The following TEP1 variants were observed in gnomAD, a reference collection of about 807,000 sequenced individuals.
TEP1 encodes telomerase protein component 1.
TEP1 carries 241 observed loss-of-function variants against 306.3 expected under a neutral mutation model. The observed-to-expected ratio is 0.79, with a 90% CI of 0.71 to 0.88. The LOEUF (loss-of-function observed/expected upper bound fraction) is 0.88. TEP1 is among the 40% of genes least tolerant of loss of function. The pLI is 0.00. For synonymous variants in TEP1, 1,289 were observed against 1,305.5 expected (o/e 0.99, Z 0.27); for missense variants, 3,051 against 3,276.1 (o/e 0.93, Z 1.68).
Position 20,373,075 on chromosome 14 carries a change from A to C in TEP1, c.6887T>G (p.Val2296Gly). Reference protein sequence around the residue: ...VAWAPDGSMAVSGNQAGELIL... With the variant: ...VAWAPDGSMAGSGNQAGELIL... ...TAGTTCCCCAGCTTGATTTCCAGAT[A>C]CTGCCATGGAACCATCTGGTGCCCA... The change falls in exon 48 of 55, where the codon GTA (valine) becomes GGA (glycine). Residue 2296 changes from valine to glycine, a missense_variant. Physicochemically the swap from Val to Gly is moderately radical, Grantham distance 109 (BLOSUM62 -3). Around this residue, in one of 3 missense-constraint regions of TEP1, gnomAD observed 1,540 missense variants for 1,705.9 expected, o/e 0.90. Transcript: ENST00000262715. 1 of 1,614,188 alleles carries C rather than the reference A, an allele frequency of 6.2e-7. No individual in the cohort carries two copies. Among genetic ancestry groups the C allele is most frequent in the Non-Finnish European group, 8.5e-7 (1 of 1,180,016 alleles).
chr14:20,369,238 G>A (rs987568549), intron 53 of TEP1, 106 bp downstream of exon 53: 4 of 1,119,720 alleles, frequency 3.6e-6, no homozygotes, highest in Non-Finnish European at 5.3e-6. Flanking sequence ...TTGATCTCCT[G>A]ACCTCATTAT....
In TEP1 at chr14:20,391,042, G is replaced by T. The variant is rs755207979; in HGVS notation, c.2152C>A (p.Gln718Lys). 4.3e-6 allele frequency: 7 copies of T among 1,614,014 alleles called. No homozygotes were observed. In the African/African-American group the frequency reaches 9.3e-5, roughly 22 times the overall value. ...LIGMMITRAEQVDVVLCGGDT... is the reference protein window; with the variant it reads ...LIGMMITRAEKVDVVLCGGDT... ...CCTCCACACAGCACGACGTCCACCT[G>T]CTCCGCCCTCGTGATCATCATCCCA... The change falls in exon 14 of 55, where the codon CAG becomes AAG. Residue 718 changes from glutamine to lysine, a missense_variant. Physicochemically the swap from Gln to Lys is moderately conservative, Grantham distance 53. Transcript: ENST00000262715.
At chr14:20,400,297 CGT>C (rs143928751) in intron 9 of TEP1, among the ~76,000 whole-genome samples, 11 of 147,134 alleles carry the variant, frequency 7.5e-5, no homozygotes, top group Admixed American at 1.4e-4. Context: ...TGTGTGGGTG[CGT>C]GTGTGTGTGT....
rs376297415 is a variant in TEP1, at chr14:20,372,785, T to C, written c.7024A>G (p.Ile2342Val). 1 of 1,614,162 alleles carries C rather than the reference T, an allele frequency of 6.2e-7. No homozygotes were observed. Among genetic ancestry groups the C allele is most frequent in the Non-Finnish European group, 8.5e-7 (1 of 1,180,026 alleles). ...CGCAGTTTCACTTGCCACTCGCTGA[T>C]TTTCTCATCAGCACTGAGGACAAAA... The part of the protein sequence containing the change: ...TFFVLSADEK[I>V]SEWQVKLRKG... Residue 2342 changes from isoleucine to valine, a missense_variant, in exon 49 of 55, where the codon ATC (isoleucine) becomes GTC (valine). Ile to Val is a conservative substitution (Grantham distance 29). Transcript: ENST00000262715.
chr14:20,391,691 GC>G lies in TEP1; in HGVS notation c.2004del (p.Lys668AsnfsTer16). On this transcript the variant is annotated frameshift_variant, in exon 13 of 55. Coordinates refer to ENST00000262715, the MANE Select transcript of TEP1 (RefSeq NM_007110.5). LOFTEE classifies it high-confidence loss of function. ...ALETAVNLSV[K>X]HSLPLLPGRT... ...CGGCCTGGCAGCAGGGGCAGGCTGT[GC>G]TTCACAGAGAGGTTCACAGCTGTCT... 6.2e-7 allele frequency: 1 copy of G among 1,614,216 alleles called. No individual in the cohort carries two copies. Among genetic ancestry groups the G allele is most frequent in the Non-Finnish European group, 8.5e-7 (1 of 1,180,040 alleles).
At chr14:20,404,473 G>T in intron 5 of TEP1, 138 bp downstream of exon 5, 1 of 1,090,242 alleles carries the variant, frequency 9.2e-7, no homozygotes, top group Non-Finnish European at 1.3e-6. Context: ...AGTGGAGGGA[G>T]AAGCTGTCCT....
chr14:20,408,475 G>C lies in TEP1; in HGVS notation c.-24-12C>G. Reference sequence around the variant, plus strand: ...CAGCTTGTATATGCCTAGAAGGAGAGAAAGACAGGAGATGAGCACCTGGCT... The same window carrying C: ...CAGCTTGTATATGCCTAGAAGGAGACAAAGACAGGAGATGAGCACCTGGCT... On this transcript the variant is annotated splice_polypyrimidine_tract_variant and intron_variant, in intron 1 of 54. Transcript: ENST00000262715. 1 of 1,586,076 alleles carries C rather than the reference G, an allele frequency of 6.3e-7. No homozygotes were observed. The highest frequency in any genetic ancestry group is 8.6e-7 in the Non-Finnish European group (1 of 1,169,548).
intron 1 of TEP1, among the ~76,000 whole-genome samples, chr14:20,410,946 C>G (rs1482651183): frequency 1.3e-5 from 2 of 151,892 alleles, no homozygotes; most frequent in African/African-American, 4.8e-5. Context: ...CTCAGCCCCC[C>G]AAGTAGCTGG....
At chr14:20,387,550 T>TAA (rs1877303165) in intron 18 of TEP1, among the ~76,000 whole-genome samples, 1 of 57,880 alleles carries the variant, frequency 1.7e-5, no homozygotes, top group Non-Finnish European at 3.3e-5. Context: ...AGACTCCGTC[T>TAA]CAAAAAAAAA....
chr14:20,386,060 A>G lies in TEP1; in HGVS notation c.2982+15T>C, dbSNP rs776275398. 1 of 1,585,308 alleles carries G rather than the reference A, an allele frequency of 6.3e-7. No homozygotes were observed. The highest frequency in any genetic ancestry group is 8.5e-7 in the Non-Finnish European group (1 of 1,169,598). On this transcript the variant is annotated intron_variant, in intron 20 of 54. Transcript: ENST00000262715. ...TGCTTCCTCCCCAGCCCTCCTCCAAACCTGTCTGCCTTACCCAGTGGAAGT... is the reference window on the plus strand; with the variant it reads ...TGCTTCCTCCCCAGCCCTCCTCCAAGCCTGTCTGCCTTACCCAGTGGAAGT...
At chr14:20,370,962 T>A (rs1462505763) in intron 51 of TEP1, among the ~76,000 whole-genome samples, 1 of 152,136 alleles carries the variant, frequency 6.6e-6, no homozygotes, top group Non-Finnish European at 1.5e-5. Flanking sequence ...CGGGAAAAAA[T>A]GCAATTGAGA....
rs754589203 is a variant in TEP1, at chr14:20,368,466, C to T, written c.7855G>A (p.Gly2619Ser). The T allele has an allele frequency of 6.8e-6, 11 of 1,614,158 alleles. No individual in the cohort carries two copies. Among genetic ancestry groups the T allele is most frequent in the Non-Finnish European group, 9.3e-6 (11 of 1,180,034 alleles). ...TCCCAATTCAGAAAGTACACATTGC[C>T]CTGCACGTCTCCCACGGCAAGCTGC... is the stretch of plus-strand genomic sequence containing the variant. Reference protein sequence around the residue: ...TLQLAVGDVQGNVYFLNWE With the variant: ...TLQLAVGDVQSNVYFLNWE Residue 2619 changes from glycine to serine, a missense_variant, in exon 55 of 55, where the codon GGC becomes AGC. This residue lies in a region of TEP1 where 1,540 missense variants were observed against 1,705.9 expected (regional missense o/e 0.90). Transcript: ENST00000262715.
At chr14:20,396,244 G>A (rs375897230) in intron 10 of TEP1, among the ~76,000 whole-genome samples, 11 of 152,160 alleles carry the variant, frequency 7.2e-5, no homozygotes, top group Admixed American at 2.0e-4. Flanking sequence ...TTAGGCAGGT[G>A]GACTGCCTGG....
chr14:20,410,799 GTGGTTTTTT>G (rs1482520658), intron 1 of TEP1, among the ~76,000 whole-genome samples: 2,873 of 115,238 alleles, frequency 0.025, 37 homozygotes, highest in Non-Finnish European at 0.037. Context: ...TTTCTCCTTT[GTGGTTTTTT>G]TTTTTTTTTT....
In TEP1 at chr14:20,400,860, A is replaced by AAATCATTTTCAGT. The variant is rs147276664; in HGVS notation, c.1549+123_1549+124insACTGAAAATGATT. 2,782 of 1,296,024 alleles carry AAATCATTTTCAGT rather than the reference A, an allele frequency of 2.1e-3. 38 individuals are homozygous for AAATCATTTTCAGT. In the African/African-American group the frequency reaches 0.035, roughly 16 times the overall value. The allele number at this position is 1,296,024 out of a possible 1,614,324, so 80.3% of individuals were successfully genotyped here. ...TAGTCAATGGCAGACCTTATAAATCAAATACAACAACCAGGCAAAGTAATA... is the reference window on the plus strand; with the variant it reads ...TAGTCAATGGCAGACCTTATAAATCAAATCATTTTCAGTAATACAACAACCAGGCAAAGTAATA... On this transcript the variant is annotated intron_variant, in intron 9 of 54. Transcript: ENST00000262715.
chr14:20,368,758 GCGCA>G (rs756656918), intron 54 of TEP1, 36 bp downstream of exon 54: 34 of 1,339,776 alleles, frequency 2.5e-5, no homozygotes, highest in Middle Eastern at 2.3e-4. Flanking sequence ...AGGTGTGCAG[GCGCA>G]CGCACACACA....
At chr14:20,374,380 C>T (rs367790093) in intron 44 of TEP1, 49 bp downstream of exon 44, 3 of 1,422,140 alleles carry the variant, frequency 2.1e-6, no homozygotes, top group Non-Finnish European at 2.9e-6. Context: ...CCCAAAGCCC[C>T]CTTAGCCCTT....
At chr14:20,390,036 A>G (rs1405832026) in intron 15 of TEP1, among the ~76,000 whole-genome samples, 1 of 152,158 alleles carries the variant, frequency 6.6e-6, no homozygotes. Context: ...TAAACATTAA[A>G]TTGTATACAT....
chr14:20,385,158 C>G, intron 20 of TEP1, 49 bp from the exon 21 acceptor site: 2 of 1,606,690 alleles, frequency 1.2e-6, no homozygotes, highest in Non-Finnish European at 1.7e-6. Flanking sequence ...CACAATGACC[C>G]TCCCTCCAGA....
Sources: gnomAD v4.1 joint callset for allele counts (sites outside exome capture counted in the v4.1 genomes callset) on GRCh38, gnomAD v4.1.1 for gene constraint, gnomAD v4.1.1 regional missense constraint, MANE v1.5 for transcripts, NCBI Gene and HGNC (gene_info 2026-07-23, HGNC 2026-07-21) for gene names.